PKP4: variants seen among roughly 807,000 people sequenced by gnomAD.
PKP4 encodes plakophilin 4.
A neutral mutation model predicts 145.1 loss-of-function variants in PKP4; 90 were observed. The ratio of observed to expected loss-of-function variants is 0.62; its 90% CI spans 0.52 to 0.74. PKP4 has a LOEUF of 0.74. PKP4 is among the 30% of genes least tolerant of loss of function. PKP4 has a pLI of 0.00. For missense variants in PKP4, 1,340 were observed against 1,482.7 expected, an observed-to-expected ratio of 0.90 and a Z score of 1.58; for synonymous variants, 563 against 577.2, an observed-to-expected ratio of 0.98 and a Z score of 0.35.
intron 1 of PKP4, among the ~76,000 whole-genome samples, chr2:158,509,045 A>G (rs1004513143): frequency 1.3e-5 from 2 of 152,176 alleles, no homozygotes; most frequent in African/African-American, 4.8e-5. Context: ...ATTATAGTTT[A>G]TGGTCTTCAG....
At chr2:158,589,837 A>G (rs1159714849) in intron 3 of PKP4, among the ~76,000 whole-genome samples, 1 of 152,168 alleles carries the variant, frequency 6.6e-6, no homozygotes, top group Non-Finnish European at 1.5e-5. Flanking sequence ...TTAACCCTTC[A>G]AAGAACTACC....
chr2:158,614,232 A>C (rs1472844245), intron 4 of PKP4, among the ~76,000 whole-genome samples: 1 of 152,238 alleles, frequency 6.6e-6, no homozygotes, highest in African/African-American at 2.4e-5. Context: ...GAAAAAGATA[A>C]TGGAAAAAAG....
At chr2:158,569,425 G>C (rs1354824234) in intron 2 of PKP4, among the ~76,000 whole-genome samples, 1 of 152,170 alleles carries the variant, frequency 6.6e-6, no homozygotes, top group East Asian at 1.9e-4. Flanking sequence ...ATAGGGCAAC[G>C]AATCCCACAG....
At chr2:158,613,408 C>T (rs7607589) in intron 4 of PKP4, among the ~76,000 whole-genome samples, 69,695 of 151,844 alleles carry the variant, frequency 0.46, 16,934 homozygotes, top group South Asian at 0.66. Context: ...GTTTGCAAGC[C>T]CTAATGAAAT....
chr2:158,606,950 T>C (rs1293186349), intron 4 of PKP4, among the ~76,000 whole-genome samples: 7 of 152,208 alleles, frequency 4.6e-5, no homozygotes, highest in Non-Finnish European at 2.9e-5. Context: ...TATTTACCCA[T>C]ATCTCTAGTA....
chr2:158,648,898 T>C (rs1284920614), intron 11 of PKP4, among the ~76,000 whole-genome samples: 1 of 43,678 alleles, frequency 2.3e-5, no homozygotes, highest in Non-Finnish European at 6.1e-5. Context: ...CTAGAGAGTC[T>C]GAGGCAGGAA....
chr2:158,494,614 C>CA (rs1230920814), intron 1 of PKP4, among the ~76,000 whole-genome samples: 4 of 152,152 alleles, frequency 2.6e-5, no homozygotes, highest in Admixed American at 6.5e-5. Flanking sequence ...TTTTCTAGAC[C>CA]AGTTGCAAAG....
At chr2:158,566,221 A>G (rs1278597266) in intron 2 of PKP4, among the ~76,000 whole-genome samples, 2 of 152,178 alleles carry the variant, frequency 1.3e-5, no homozygotes, top group African/African-American at 2.4e-5. Flanking sequence ...CTGTAGTGCA[A>G]TTTATTACAT....
chr2:158,583,756 A>C (rs1272849881), intron 3 of PKP4, among the ~76,000 whole-genome samples: 1 of 152,114 alleles, frequency 6.6e-6, no homozygotes, highest in African/African-American at 2.4e-5. Flanking sequence ...GTAATTCCCC[A>C]CAGGTGACTT....
chr2:158,633,983 T>A, intron 8 of PKP4, 87 bp from the exon 9 acceptor site: 1 of 730,026 alleles, frequency 1.4e-6, no homozygotes, highest in Non-Finnish European at 2.3e-6. Context: ...AAAAATATAG[T>A]CCTTAAAATT....
intron 2 of PKP4, among the ~76,000 whole-genome samples, chr2:158,572,713 A>T (rs763662581): frequency 1.1e-4 from 16 of 152,220 alleles, no homozygotes; most frequent in Non-Finnish European, 1.9e-4. Flanking sequence ...TACCTATGAG[A>T]TTCAAAAACT....
chr2:158,638,606 A>G (rs2054008150), intron 9 of PKP4, among the ~76,000 whole-genome samples: 1 of 152,200 alleles, frequency 6.6e-6, no homozygotes, highest in Non-Finnish European at 1.5e-5. Context: ...TTTTTAGATC[A>G]TCTGGCTGCT....
intron 1 of PKP4, among the ~76,000 whole-genome samples, chr2:158,531,397 A>C (rs2043531299): frequency 6.6e-6 from 1 of 152,094 alleles, no homozygotes; most frequent in Admixed American, 6.5e-5. Context: ...TGTTCTTTGC[A>C]ACCATCTGCT....
intron 1 of PKP4, among the ~76,000 whole-genome samples, chr2:158,528,434 C>G (rs1232308057): frequency 1.1e-5 from 1 of 94,778 alleles, no homozygotes. Context: ...GGGAATTGAA[C>G]AATGAGATCA....
chr2:158,599,773 G>T (rs2050071503), intron 3 of PKP4, among the ~76,000 whole-genome samples: 1 of 152,292 alleles, frequency 6.6e-6, no homozygotes, highest in South Asian at 2.1e-4. Flanking sequence ...AAGGAGCAGT[G>T]CCTACTGCCA....
chr2:158,669,748 C>G lies in PKP4; in HGVS notation c.2757C>G (p.Asn919Lys), dbSNP rs762184358. 3 of 1,601,076 alleles carry G rather than the reference C, an allele frequency of 1.9e-6. No individual in the cohort carries two copies. The highest frequency in any genetic ancestry group is 2.6e-6 in the Non-Finnish European group (3 of 1,171,262). Residue 919 changes from asparagine to lysine, a missense_variant, in exon 17 of 22, where the codon AAC becomes AAG. Physicochemically the swap from Asn to Lys is moderately conservative, Grantham distance 94 (BLOSUM62 0). Transcript: ENST00000389759. ...AATACGCCATGCGAGACCTGGTCAA[C>G]CGGCTCCCCGGCGGCAATGGCCCCA... is the stretch of plus-strand genomic sequence containing the variant. ...IGKYAMRDLV[N>K]RLPGGNGPSV...
intron 20 of PKP4, chr2:158,677,447 C>A (rs1204801415): frequency 5.9e-6 from 1 of 169,644 alleles, no homozygotes; most frequent in South Asian, 1.4e-4. Flanking sequence ...GCTGTGCATA[C>A]AATTTATTTA....
chr2:158,647,873 T>C (rs1202964801), intron 11 of PKP4, among the ~76,000 whole-genome samples: 1 of 152,250 alleles, frequency 6.6e-6, no homozygotes, highest in Non-Finnish European at 1.5e-5. Flanking sequence ...CCACAAAGTA[T>C]GGAGGACAGA....
intron 4 of PKP4, among the ~76,000 whole-genome samples, chr2:158,615,361 A>G (rs1460057499): frequency 6.6e-6 from 1 of 152,024 alleles, no homozygotes; most frequent in Non-Finnish European, 1.5e-5. Flanking sequence ...CCCCTCAGCC[A>G]TTTATGAAGC....
Sources: gnomAD v4.1 joint callset for allele counts (sites outside exome capture counted in the v4.1 genomes callset) on GRCh38, gnomAD v4.1.1 for gene constraint, MANE v1.5 for transcripts, NCBI Gene and HGNC (gene_info 2026-07-23, HGNC 2026-07-21) for gene names.